COP1: variants seen among roughly 807,000 people sequenced by gnomAD.
COP1 encodes the protein COP1 E3 ubiquitin ligase.
Under a neutral mutation model 101.3 loss-of-function variants are expected in COP1, and 24 were observed. That is an observed-to-expected ratio of 0.24 (90% CI 0.17 to 0.33). The LOEUF (loss-of-function observed/expected upper bound fraction) is 0.33, where lower values mean the gene tolerates loss of function less well. Among genes scored for constraint, COP1 ranks in the 10% least tolerant of loss-of-function variants. The probability of loss-of-function intolerance (pLI) is 1.00; values close to 1 mark genes in which losing one functional copy is unlikely to be tolerated. For synonymous variants in COP1, 347 were observed against 341.9 expected, an observed-to-expected ratio of 1.01 and a Z score of -0.17; for missense variants, 663 against 906.2, an observed-to-expected ratio of 0.73 and a Z score of 3.45.
chr1:176,033,430 A>G (rs1668970665), intron 14 of COP1, among the ~76,000 whole-genome samples: 1 of 151,748 alleles, frequency 6.6e-6, no homozygotes, highest in South Asian at 2.1e-4. Context: ...TCTGTCTCAA[A>G]ATAATAATAA....
chr1:175,963,069 G>C (rs916338969), intron 18 of COP1, among the ~76,000 whole-genome samples: 3 of 150,320 alleles, frequency 2.0e-5, no homozygotes, highest in Non-Finnish European at 4.4e-5. Context: ...GAAGGAAACT[G>C]AACACAGAAA....
chr1:176,193,463 C>T (rs991829699), intron 1 of COP1, among the ~76,000 whole-genome samples: 4 of 152,096 alleles, frequency 2.6e-5, no homozygotes, highest in African/African-American at 7.2e-5. Context: ...AAAACTCATA[C>T]ACAAATGTTC....
At chr1:176,070,660 T>TC (rs1206092308) in intron 11 of COP1, among the ~76,000 whole-genome samples, 1 of 151,976 alleles carries the variant, frequency 6.6e-6, no homozygotes, top group Non-Finnish European at 1.5e-5. Context: ...AGACTCCATT[T>TC]CAAAAAAAAT....
intron 15 of COP1, among the ~76,000 whole-genome samples, chr1:176,005,745 AT>A (rs1322042833): frequency 1.7e-5 from 1 of 60,000 alleles, no homozygotes; most frequent in Non-Finnish European, 5.4e-5. Context: ...GTTCTTTTAC[AT>A]TTGCTGAGAG....
chr1:175,964,443 T>C (rs1455067776), intron 18 of COP1, among the ~76,000 whole-genome samples: 4 of 152,108 alleles, frequency 2.6e-5, no homozygotes, highest in African/African-American at 7.2e-5. Flanking sequence ...GCCCAGAAGA[T>C]GATTTTTAAT....
At chr1:176,079,594 T>C (rs1313298494) in intron 11 of COP1, among the ~76,000 whole-genome samples, 1 of 151,500 alleles carries the variant, frequency 6.6e-6, no homozygotes, top group Non-Finnish European at 1.5e-5. Context: ...TCGTGCAATA[T>C]ACCCATGTAA....
rs372764339 is a variant in COP1 at position 176,027,533 on chromosome 1, C to G, written c.1729+39G>C. The G allele has an allele frequency of 2.4e-4, 278 of 1,166,594 alleles. 1 individual carries two copies. Among genetic ancestry groups the G allele is most frequent in the Non-Finnish European group, 3.2e-4 (246 of 773,624 alleles). The allele number at this position is 1,166,594 out of a possible 1,614,324, so 72.3% of individuals were successfully genotyped here. On this transcript the variant is annotated intron_variant, in intron 15 of 19. Coordinates refer to ENST00000367669, the MANE Select transcript of COP1 (RefSeq NM_022457.7). ...CTCCTATCCTTACCATGATATTTAACCAACATCAAAGGAAGACAAATCTGC... is the reference window on the plus strand; with the variant it reads ...CTCCTATCCTTACCATGATATTTAAGCAACATCAAAGGAAGACAAATCTGC...
intron 15 of COP1, among the ~76,000 whole-genome samples, chr1:175,990,747 C>T (rs1430247016): frequency 6.6e-6 from 1 of 151,962 alleles, no homozygotes; most frequent in East Asian, 1.9e-4. Flanking sequence ...GTACTGATTT[C>T]TACTCTAAGT....
In COP1 at chr1:175,988,566, C is replaced by T. The variant is rs959779282; in HGVS notation, c.1848-154G>A. On this transcript the variant is annotated intron_variant, in intron 16 of 19. Transcript: ENST00000367669. ...TTCATCTGTCGGCCAGGCGTGGTGGCTCACGCTTGTATTCCAAGCAATTTG... is the reference window on the plus strand; with the variant it reads ...TTCATCTGTCGGCCAGGCGTGGTGGTTCACGCTTGTATTCCAAGCAATTTG... 10 of 651,276 alleles carry T rather than the reference C, an allele frequency of 1.5e-5. No individual in the cohort carries two copies. The African/African-American group carries it at 1.8e-4, about 12-fold the overall frequency. The allele number at this position is 651,276 out of a possible 1,614,324, so 40.3% of individuals were successfully genotyped here. A position where few individuals can be genotyped will look rare whatever the true frequency, so the allele number is the denominator to read the frequency against.
intron 11 of COP1, among the ~76,000 whole-genome samples, chr1:176,080,077 G>A (rs1009781289): frequency 1.3e-5 from 2 of 151,904 alleles, no homozygotes; most frequent in Non-Finnish European, 2.9e-5. Context: ...ATCATGGGTC[G>A]AAGAGAAAAA....
chr1:176,165,596 T>C lies in COP1; in HGVS notation c.566-1705A>G, dbSNP rs1416516999. ...TGTAGTCTCAGCTACTCGGGAGGCT[T>C]AGGAAGGAGAATCACTTGAACCCAG... is the stretch of plus-strand genomic sequence containing the variant. On this transcript the variant is annotated intron_variant, in intron 3 of 19. Transcript: ENST00000367669. Among the ~76,000 whole-genome samples the C allele has an allele frequency of 3.6e-4, 54 of 151,712 alleles. 1 individual carries two copies. The highest frequency in any genetic ancestry group is 1.5e-5 in the Non-Finnish European group (1 of 67,902).
intron 11 of COP1, among the ~76,000 whole-genome samples, chr1:176,074,790 TG>T (rs1677674954): frequency 8.0e-6 from 1 of 124,806 alleles, no homozygotes; most frequent in African/African-American, 3.0e-5. Context: ...CTTTCAGGAA[TG>T]AAAAAAAAAA....
At chr1:176,075,684 CAAG>C (rs1281541170) in intron 11 of COP1, among the ~76,000 whole-genome samples, 1 of 152,106 alleles carries the variant, frequency 6.6e-6, no homozygotes, top group African/African-American at 2.4e-5. Context: ...TCTCGGCTTA[CAAG>C]AAGACTTAGC....
rs182655829 is a variant in COP1, at chr1:176,023,770, T to C, written c.1729+3802A>G. Among the ~76,000 whole-genome samples the C allele has an allele frequency of 1.2e-3, 175 of 147,072 alleles. No homozygotes were observed. In the Middle Eastern group the frequency reaches 0.014, roughly 12 times the overall value. On this transcript the variant is annotated intron_variant, in intron 15 of 19. Coordinates refer to ENST00000367669, the MANE Select transcript of COP1 (RefSeq NM_022457.7). ...GAAAAGAAAAGAAAAAGTAAACACATTGAATTAGGAATTTAAAATCTTCCC... is the reference window on the plus strand; with the variant it reads ...GAAAAGAAAAGAAAAAGTAAACACACTGAATTAGGAATTTAAAATCTTCCC...
chr1:176,070,568 A>G (rs1345349848), intron 11 of COP1, among the ~76,000 whole-genome samples: 1 of 152,134 alleles, frequency 6.6e-6, no homozygotes, highest in Non-Finnish European at 1.5e-5. Flanking sequence ...AGGCTGAGGC[A>G]GGAGAATCAC....
intron 18 of COP1, among the ~76,000 whole-genome samples, chr1:175,953,581 G>A (rs1325703077): frequency 1.3e-5 from 2 of 151,724 alleles, no homozygotes; most frequent in African/African-American, 4.8e-5. Flanking sequence ...AACAAAGTGA[G>A]ACCCTGTCTT....
intron 1 of COP1, among the ~76,000 whole-genome samples, chr1:176,185,363 G>A (rs1317103838): frequency 6.6e-6 from 1 of 152,072 alleles, no homozygotes; most frequent in Non-Finnish European, 1.5e-5. Flanking sequence ...TTCAAATTCA[G>A]GTCTACGTTC....
chr1:176,119,997 G>A (rs1169991992), intron 8 of COP1, among the ~76,000 whole-genome samples: 1 of 151,960 alleles, frequency 6.6e-6, no homozygotes, highest in Admixed American at 6.6e-5. Context: ...GAACGACCAC[G>A]CTATATAAAC....
chr1:176,120,463 A>G (rs541641935), intron 8 of COP1, among the ~76,000 whole-genome samples: 1 of 152,232 alleles, frequency 6.6e-6, no homozygotes, highest in South Asian at 2.1e-4. Context: ...AAAGACATCA[A>G]AAAACGTCAA....
Sources: gnomAD v4.1 joint callset for allele counts (sites outside exome capture counted in the v4.1 genomes callset) on GRCh38, gnomAD v4.1.1 for gene constraint, MANE v1.5 for transcripts, NCBI Gene and HGNC (gene_info 2026-07-23, HGNC 2026-07-21) for gene names.